TCFL5: variants seen among roughly 807,000 people sequenced by gnomAD.
TCFL5 encodes the protein transcription factor like 5, also known as transcription factor-like 5 protein.
Under a neutral mutation model 44.3 loss-of-function variants are expected in TCFL5, and 9 were observed. The ratio of observed to expected loss-of-function variants is 0.20; its 90% CI spans 0.12 to 0.35. TCFL5 has a LOEUF of 0.35. TCFL5 is among the 10% of genes least tolerant of loss of function. The pLI is 1.00. For missense variants in TCFL5, 603 were observed against 613.4 expected (o/e 0.98, Z 0.18); for synonymous variants, 319 against 271.6 (o/e 1.17, Z -1.72).
rs776066555 is a variant in TCFL5 at position 62,859,383 on chromosome 20, T to C, written c.975A>G (p.Gln325=). The stretch of plus-strand genomic sequence containing the variant: ...GCTTACCTCCCACTTTAATCCAAAC[T>C]TGCTCAGGCAAAACTTTGTTTCTAC... The part of the protein sequence containing the change: ...LGSRNKVLPE[Q]VWIKVGEAAL... Residue 325 remains glutamine (Q), a synonymous_variant, in exon 3 of 6, where the codon CAA becomes CAG. Coordinates refer to ENST00000335351, the MANE Select transcript of TCFL5 (RefSeq NM_006602.4). 1 of 1,607,980 alleles carries C rather than the reference T, an allele frequency of 6.2e-7. No individual in the cohort carries two copies.
At chr20:62,856,277 G>GAA (rs1338181586) in intron 4 of TCFL5, among the ~76,000 whole-genome samples, 2 of 137,748 alleles carry the variant, frequency 1.5e-5, no homozygotes, top group African/African-American at 5.2e-5. Flanking sequence ...AAAAGAAAAA[G>GAA]AAAAGAAAAC....
chr20:62,850,999 C>G (rs1048977508), intron 5 of TCFL5, among the ~76,000 whole-genome samples: 3 of 152,258 alleles, frequency 2.0e-5, no homozygotes, highest in Non-Finnish European at 4.4e-5. Context: ...ATGCCTCTAT[C>G]TTGCGCAGGG....
chr20:62,843,746 C>T (rs2063705270), intron 5 of TCFL5, among the ~76,000 whole-genome samples: 1 of 152,218 alleles, frequency 6.6e-6, no homozygotes, highest in South Asian at 2.1e-4. Context: ...ACACTAACTC[C>T]ACACCGCTCC....
At chr20:62,851,610 C>T in intron 5 of TCFL5, 2 of 985,146 alleles carry the variant, frequency 2.0e-6, no homozygotes, top group Non-Finnish European at 2.4e-6. Flanking sequence ...ATACATTCAA[C>T]ATAGCATCGC....
chr20:62,853,947 A>G, intron 5 of TCFL5, 69 bp downstream of exon 5: 1 of 1,543,682 alleles, frequency 6.5e-7, no homozygotes, highest in Non-Finnish European at 8.9e-7. Context: ...AGTTATCCTT[A>G]GGAAAAAGGA....
At chr20:62,848,503 G>A (rs1476388778) in intron 5 of TCFL5, among the ~76,000 whole-genome samples, 1 of 152,216 alleles carries the variant, frequency 6.6e-6, no homozygotes, top group African/African-American at 2.4e-5. Context: ...CACTTTCAGA[G>A]GCCGAGGCGG....
chr20:62,853,468 C>G (rs1357337821), intron 5 of TCFL5, among the ~76,000 whole-genome samples: 1 of 152,034 alleles, frequency 6.6e-6, no homozygotes, highest in Non-Finnish European at 1.5e-5. Flanking sequence ...CTCCCAGCCC[C>G]CGCCCCGAGC....
rs1375012946 is a variant in TCFL5, at chr20:62,841,809, A to G, written c.*166T>C. 5.0e-6 allele frequency: 4 copies of G among 794,272 alleles called. No homozygotes were observed. The Admixed American group carries it at 1.4e-4, about 28-fold the overall frequency. The allele number at this position is 794,272 out of a possible 1,614,324, so 49.2% of individuals were successfully genotyped here. On this transcript the variant is annotated 3_prime_UTR_variant, in exon 6 of 6. Coordinates refer to ENST00000335351, the MANE Select transcript of TCFL5 (RefSeq NM_006602.4). The stretch of plus-strand genomic sequence containing the variant: ...ATGGATAAGCATTTGCGTCTAGATA[A>G]ATATTTTTACAAAATGTGCTCTCAA...
At chr20:62,849,775 A>AT (rs2044717472) in intron 5 of TCFL5, among the ~76,000 whole-genome samples, 1 of 152,134 alleles carries the variant, frequency 6.6e-6, no homozygotes, top group East Asian at 1.9e-4. Flanking sequence ...CCTGTGAAAC[A>AT]TGGCAAAACC....
Position 62,859,429 on chromosome 20 carries a change from G to A in TCFL5, c.929C>T (p.Ser310Phe), listed in dbSNP as rs754020046. ...FSFCYQQEIE[S>F]TKQTLGSRNK... ...TCTACTACCTAACGTCTGTTTAGTG[G>A]ATTCAATTTCTTGCTGATAACAGAA... Residue 310 changes from serine (S) to phenylalanine (F), a missense_variant, in exon 3 of 6, where the codon TCC becomes TTC. Around this residue, in one of 4 missense-constraint regions of TCFL5, gnomAD observed 540 missense variants for 478.7 expected, o/e 1.13. Coordinates refer to ENST00000335351, the MANE Select transcript of TCFL5 (RefSeq NM_006602.4). 1 of 1,613,844 alleles carries A rather than the reference G, an allele frequency of 6.2e-7. No homozygotes were observed. The highest frequency in any genetic ancestry group is 1.3e-5 in the African/African-American group (1 of 74,904).
chr20:62,853,591 T>C (rs188326109), intron 5 of TCFL5, among the ~76,000 whole-genome samples: 3 of 152,274 alleles, frequency 2.0e-5, no homozygotes, highest in African/African-American at 4.8e-5. Context: ...GCTCAAGAGA[T>C]CCTCCCACTT....
chr20:62,843,831 G>A (rs903717727), intron 5 of TCFL5, among the ~76,000 whole-genome samples: 20 of 152,152 alleles, frequency 1.3e-4, no homozygotes, highest in African/African-American at 3.1e-4. Flanking sequence ...CCTTGTTTAC[G>A]GAATCCCGCA....
chr20:62,843,677 G>A (rs756084580), intron 5 of TCFL5, among the ~76,000 whole-genome samples: 1 of 152,216 alleles, frequency 6.6e-6, no homozygotes, highest in East Asian at 1.9e-4. Context: ...TCCACTCACA[G>A]TGCTGTGCAG....
At chr20:62,852,331 C>A in intron 5 of TCFL5, 2 of 984,962 alleles carry the variant, frequency 2.0e-6, no homozygotes, top group Non-Finnish European at 2.4e-6. Context: ...AACTCGGGTC[C>A]CCCAAAGGCA....
chr20:62,860,060 C>G, intron 2 of TCFL5, 65 bp downstream of exon 2: 1 of 1,514,174 alleles, frequency 6.6e-7, no homozygotes, highest in South Asian at 1.2e-5. Context: ...GGGACCTAAC[C>G]AAAATAAGTT....
chr20:62,860,035 G>GA (rs1000309056), intron 2 of TCFL5, 90 bp downstream of exon 2: 74 of 1,323,842 alleles, frequency 5.6e-5, no homozygotes, highest in African/African-American at 7.4e-5. Context: ...TCACTGAAGG[G>GA]AAAAAAAAGT....
intron 3 of TCFL5, among the ~76,000 whole-genome samples, chr20:62,858,447 A>G (rs1308272168): frequency 6.6e-6 from 1 of 152,252 alleles, no homozygotes; most frequent in African/African-American, 2.4e-5. Flanking sequence ...TCATCTTTGT[A>G]TCTTACAAAT....
intron 5 of TCFL5, among the ~76,000 whole-genome samples, chr20:62,843,883 T>G (rs1294625054): frequency 6.6e-6 from 1 of 152,254 alleles, no homozygotes; most frequent in African/African-American, 2.4e-5. Context: ...CTCAGCATAA[T>G]GACCTCGGGC....
intron 5 of TCFL5, among the ~76,000 whole-genome samples, chr20:62,849,033 TG>T (rs2063777229): frequency 6.6e-6 from 1 of 152,128 alleles, no homozygotes; most frequent in African/African-American, 2.4e-5. Flanking sequence ...CCGGGCATGG[TG>T]GGCCATGCCT....
Sources: gnomAD v4.1 joint callset for allele counts (sites outside exome capture counted in the v4.1 genomes callset) on GRCh38, gnomAD v4.1.1 for gene constraint, gnomAD v4.1.1 regional missense constraint, MANE v1.5 for transcripts, NCBI Gene and HGNC (gene_info 2026-07-23, HGNC 2026-07-21) for gene names.